The following LATS2 variants were observed in gnomAD, a reference collection of about 807,000 sequenced individuals.
LATS2 encodes large tumor suppressor kinase 2, also known as serine/threonine-protein kinase LATS2.
LATS2 carries 24 observed loss-of-function variants against 76.0 expected under a neutral mutation model. The ratio of observed to expected loss-of-function variants is 0.32; its 90% confidence interval spans 0.23 to 0.44. The LOEUF is 0.44. Among genes scored for constraint, LATS2 ranks in the 20% least tolerant of loss-of-function variants. The pLI is 1.00. For missense variants in LATS2, 1,286 were observed against 1,481.2 expected (o/e 0.87, Z 2.16); for synonymous variants, 692 against 635.4 (o/e 1.09, Z -1.34).
At chr13:21,024,477 C>T (rs1182301217) in intron 2 of LATS2, among the ~76,000 whole-genome samples, 1 of 151,974 alleles carries the variant, frequency 6.6e-6, no homozygotes, top group African/African-American at 2.4e-5. Flanking sequence ...AAAGTTAACC[C>T]TTTTTAGGTT....
intron 2 of LATS2, among the ~76,000 whole-genome samples, chr13:21,007,557 A>AGTG (rs1260620459): frequency 6.2e-5 from 1 of 16,058 alleles, no homozygotes; most frequent in East Asian, 4.1e-3. Context: ...ATATATATAT[A>AGTG]TATATATATA....
intron 4 of LATS2, among the ~76,000 whole-genome samples, chr13:20,985,744 AAAAT>A (rs1399237725): frequency 6.3e-5 from 9 of 143,836 alleles, no homozygotes; most frequent in African/African-American, 2.4e-4. Flanking sequence ...TCTTAATTAA[AAAAT>A]AAATAAATAA....
At position 21,036,139 on chromosome 13, in the gene LATS2, A is replaced by AC. The variant is rs560326450; in HGVS notation, c.342+9545dup. Among the ~76,000 whole-genome samples the AC allele has an allele frequency of 1.5e-4, 22 of 151,700 alleles. No homozygotes were observed. In the East Asian group the frequency reaches 1.8e-3, roughly 12 times the overall value. On this transcript the variant is annotated intron_variant, in intron 2 of 7. Transcript: ENST00000382592. ...TCGAACACCCGACCTCGGATGATCCACCCCCCTCAGCCTCCCGAAGTGCTG... is the reference window on the plus strand; with the variant it reads ...TCGAACACCCGACCTCGGATGATCCACCCCCCCTCAGCCTCCCGAAGTGCTG...
In LATS2 at chr13:21,025,249, G is replaced by A. The variant is rs187031862; in HGVS notation, c.342+20436C>T. 1.4e-4 allele frequency among the ~76,000 whole-genome samples: 21 copies of A among 151,738 alleles called. No individual in the cohort carries two copies. In the East Asian group the frequency reaches 3.3e-3, roughly 24 times the overall value. The stretch of plus-strand genomic sequence containing the variant: ...AAAAAAAAAAATACAAAAATTAGAC[G>A]GGTATGGTGGCAAGCACCTATAATC... On this transcript the variant is annotated intron_variant, in intron 2 of 7. Coordinates refer to ENST00000382592, the MANE Select transcript of LATS2 (RefSeq NM_014572.3).
intron 1 of LATS2, among the ~76,000 whole-genome samples, chr13:21,051,815 C>A (rs1222411390): frequency 6.6e-6 from 1 of 152,104 alleles, no homozygotes; most frequent in Non-Finnish European, 1.5e-5. Flanking sequence ...AATAATTAAC[C>A]AGGTGTGGAG....
intron 2 of LATS2, among the ~76,000 whole-genome samples, chr13:21,019,926 A>G (rs1269699334): frequency 6.6e-6 from 1 of 150,378 alleles, no homozygotes; most frequent in East Asian, 2.0e-4. Context: ...GTGAGCTGAG[A>G]TCGTGCCACT....
Position 20,974,513 on chromosome 13 carries a change from A to G in LATS2, c.*357T>C. ...TCCTAAATGTGAATAAGTGCTATGG[A>G]TAAAATACAAATGTAGAAAATAACA... On this transcript the variant is annotated 3_prime_UTR_variant, in exon 8 of 8. Transcript: ENST00000382592. 3.9e-6 allele frequency: 1 copy of G among 254,280 alleles called. No homozygotes were observed. The highest frequency in any genetic ancestry group is 7.6e-6 in the Non-Finnish European group (1 of 132,204). The allele number at this position is 254,280 out of a possible 1,614,324, so 15.8% of individuals were successfully genotyped here.
chr13:21,031,842 C>A (rs1872538787), intron 2 of LATS2, among the ~76,000 whole-genome samples: 1 of 152,124 alleles, frequency 6.6e-6, no homozygotes, highest in Admixed American at 6.5e-5. Flanking sequence ...GGTGACAGAG[C>A]AAGACCTCGA....
chr13:21,048,932 C>G (rs929752398), intron 1 of LATS2, among the ~76,000 whole-genome samples: 8 of 152,136 alleles, frequency 5.3e-5, no homozygotes, highest in African/African-American at 1.9e-4. Context: ...TTGGCTTCAG[C>G]AAGTTTACTG....
intron 4 of LATS2, among the ~76,000 whole-genome samples, chr13:20,987,073 T>G (rs1870180601): frequency 6.6e-6 from 1 of 152,138 alleles, no homozygotes; most frequent in Non-Finnish European, 1.5e-5. Context: ...TAGGCACCTG[T>G]AACCCCAACT....
chr13:21,051,646 G>A (rs760486874), intron 1 of LATS2, among the ~76,000 whole-genome samples: 11 of 152,150 alleles, frequency 7.2e-5, no homozygotes, highest in Non-Finnish European at 1.5e-4. Flanking sequence ...GAGGAGGAAG[G>A]CAGTGACCAA....
intron 1 of LATS2, among the ~76,000 whole-genome samples, chr13:21,061,038 C>A (rs946298264): frequency 6.6e-6 from 1 of 151,560 alleles, no homozygotes; most frequent in Non-Finnish European, 1.5e-5. Context: ...CACAACAAAG[C>A]GGCGCAGCCC....
chr13:21,028,858 G>T (rs538377731), intron 2 of LATS2, among the ~76,000 whole-genome samples: 1 of 152,084 alleles, frequency 6.6e-6, no homozygotes, highest in East Asian at 1.9e-4. Context: ...GTGAGCCACC[G>T]TACCCGGCCA....
chr13:21,057,105 C>A (rs115712296), intron 1 of LATS2, among the ~76,000 whole-genome samples: 1,878 of 152,254 alleles, frequency 0.012, 31 homozygotes, highest in African/African-American at 0.044. Context: ...GGCAGGGAGG[C>A]TCACTATTCC....
At chr13:21,052,918 GC>G (rs1335949372) in intron 1 of LATS2, among the ~76,000 whole-genome samples, 1 of 151,952 alleles carries the variant, frequency 6.6e-6, no homozygotes, top group East Asian at 1.9e-4. Context: ...TCCCCAACCT[GC>G]AAAACCTTTC....
chr13:20,994,866 A>AAAT (rs72428838), intron 2 of LATS2, among the ~76,000 whole-genome samples: 1 of 151,782 alleles, frequency 6.6e-6, no homozygotes, highest in Non-Finnish European at 1.5e-5. Flanking sequence ...AAAAAAAAAA[A>AAAT]ATAGAATAAA....
chr13:21,007,545 G>GTATATA (rs71090549), intron 2 of LATS2, among the ~76,000 whole-genome samples: 8 of 3,604 alleles, frequency 2.2e-3, no homozygotes, highest in Admixed American at 8.2e-3. Flanking sequence ...TATATATATA[G>GTATATA]TATATATATA....
intron 2 of LATS2, among the ~76,000 whole-genome samples, chr13:21,020,570 T>C (rs944688774): frequency 2.0e-5 from 3 of 152,216 alleles, no homozygotes; most frequent in African/African-American, 7.2e-5. Context: ...CGAGTACAGC[T>C]AGATGGCCAT....
chr13:21,059,558 G>C (rs1406752731), intron 1 of LATS2, among the ~76,000 whole-genome samples: 3 of 148,736 alleles, frequency 2.0e-5, no homozygotes, highest in East Asian at 2.1e-4. Flanking sequence ...TCGCGCCACT[G>C]CACTCCAGCC....
Sources: gnomAD v4.1 joint callset for allele counts (sites outside exome capture counted in the v4.1 genomes callset) on GRCh38, gnomAD v4.1.1 for gene constraint, MANE v1.5 for transcripts, NCBI Gene and HGNC (gene_info 2026-07-23, HGNC 2026-07-21) for gene names.